Variants in ENTHD1 observed in about 807,000 individuals in gnomAD.
The protein encoded by ENTHD1 is ENTH domain-containing protein 1.
ENTHD1 carries 23 observed loss-of-function variants against 39.1 expected under a neutral mutation model. The observed-to-expected ratio is 0.59, with a 90% CI of 0.42 to 0.83. ENTHD1 has a LOEUF of 0.83. ENTHD1 is among the 40% of genes least tolerant of loss of function. The pLI is 0.00. For synonymous variants in ENTHD1, 230 were observed against 258.2 expected (o/e 0.89, Z 1.05); for missense variants, 624 against 705.4 (o/e 0.88, Z 1.31).
At chr22:39,745,924 C>A (rs1032465083) in intron 6 of ENTHD1, among the ~76,000 whole-genome samples, 1 of 152,176 alleles carries the variant, frequency 6.6e-6, no homozygotes, top group South Asian at 2.1e-4. Context: ...TTGCATGTAA[C>A]CTGTTTTATC....
chr22:39,856,274 C>CAAAAAA (rs34598525), intron 3 of ENTHD1, among the ~76,000 whole-genome samples: 3 of 50,758 alleles, frequency 5.9e-5, no homozygotes, highest in Non-Finnish European at 8.2e-5. Context: ...AACTTCATCT[C>CAAAAAA]AAAAAAAAAA....
At chr22:39,824,524 A>G (rs886778530) in intron 4 of ENTHD1, among the ~76,000 whole-genome samples, 2 of 151,888 alleles carry the variant, frequency 1.3e-5, no homozygotes, top group African/African-American at 4.8e-5. Flanking sequence ...TCTAAATCTC[A>G]AAGATTTTTC....
At chr22:39,790,999 G>T (rs1269853976) in intron 5 of ENTHD1, among the ~76,000 whole-genome samples, 2 of 151,908 alleles carry the variant, frequency 1.3e-5, no homozygotes, top group Non-Finnish European at 2.9e-5. Flanking sequence ...GCGAGGGCAG[G>T]GCTCAATAAT....
intron 5 of ENTHD1, among the ~76,000 whole-genome samples, chr22:39,766,396 T>C (rs1002329891): frequency 2.0e-5 from 3 of 152,210 alleles, no homozygotes; most frequent in Non-Finnish European, 4.4e-5. Flanking sequence ...GGAATGTCTA[T>C]TGAATCTACG....
intron 2 of ENTHD1, among the ~76,000 whole-genome samples, chr22:39,877,603 C>T (rs1309463933): frequency 2.0e-5 from 3 of 152,106 alleles, no homozygotes. Flanking sequence ...GTCTTCAGGG[C>T]CTCCCTCACT....
intron 1 of ENTHD1, among the ~76,000 whole-genome samples, chr22:39,889,878 C>G (rs1484254242): frequency 6.6e-6 from 1 of 151,988 alleles, no homozygotes; most frequent in Non-Finnish European, 1.5e-5. Context: ...GGGCAGATCA[C>G]CTGAGCTCAG....
At chr22:39,793,412 T>C (rs2065521471) in intron 5 of ENTHD1, among the ~76,000 whole-genome samples, 1 of 151,798 alleles carries the variant, frequency 6.6e-6, no homozygotes, top group South Asian at 2.1e-4. Flanking sequence ...AGATTAATAA[T>C]TTGCAAATAT....
At chr22:39,797,768 C>A (rs187055395) in intron 5 of ENTHD1, among the ~76,000 whole-genome samples, 112 of 152,240 alleles carry the variant, frequency 7.4e-4, no homozygotes, top group Non-Finnish European at 1.4e-3. Flanking sequence ...TCAACTCAAT[C>A]TCTGCTTGTC....
chr22:39,806,145 C>T (rs1342339876), intron 5 of ENTHD1, among the ~76,000 whole-genome samples: 1 of 152,216 alleles, frequency 6.6e-6, no homozygotes, highest in African/African-American at 2.4e-5. Context: ...CAGATCCTGG[C>T]TTCAGATCAG....
chr22:39,843,541 C>T (rs1374998528), intron 3 of ENTHD1, among the ~76,000 whole-genome samples: 1 of 151,256 alleles, frequency 6.6e-6, no homozygotes, highest in Admixed American at 6.6e-5. Context: ...AGCGCACCAG[C>T]GTGGCACATG....
rs548641044 is a variant in ENTHD1 at position 39,793,597 on chromosome 22, G to A, written c.832+27396C>T. ...AAATGTCTTGAAGTGTTTCCCCTAT[G>A]TTTTCTTCAAGTAGTTTTATAATTT... On this transcript the variant is annotated intron_variant, in intron 5 of 6. Coordinates refer to ENST00000325157, the MANE Select transcript of ENTHD1 (RefSeq NM_152512.4). Among the ~76,000 whole-genome samples, 3 of 152,126 alleles carry A rather than the reference G, an allele frequency of 2.0e-5. No individual in the cohort carries two copies. In the East Asian group the frequency reaches 5.8e-4, roughly 29 times the overall value.
chr22:39,802,512 A>G (rs1284766171), intron 5 of ENTHD1, among the ~76,000 whole-genome samples: 1 of 152,220 alleles, frequency 6.6e-6, no homozygotes, highest in Non-Finnish European at 1.5e-5. Context: ...ATAACCTATT[A>G]TCACACAAGG....
intron 3 of ENTHD1, among the ~76,000 whole-genome samples, chr22:39,857,443 CAAAAAAAAAAAAA>C (rs71197196): frequency 8.1e-5 from 2 of 24,710 alleles, no homozygotes; most frequent in Non-Finnish European, 1.9e-4. Context: ...AACTCCGTCT[CAAAAAAAAAAAAA>C]AAAAAAAAAA....
chr22:39,884,010 C>T (rs2066361275), intron 2 of ENTHD1, among the ~76,000 whole-genome samples: 1 of 151,846 alleles, frequency 6.6e-6, no homozygotes, highest in Non-Finnish European at 1.5e-5. Context: ...GACTTGTACC[C>T]TGAAAACTAC....
intron 5 of ENTHD1, among the ~76,000 whole-genome samples, chr22:39,779,543 C>T (rs917754870): frequency 5.5e-5 from 8 of 146,726 alleles, no homozygotes; most frequent in African/African-American, 2.0e-4. Context: ...AGAAAAAAGA[C>T]AGTAACATGA....
At chr22:39,834,843 C>T (rs2065896028) in intron 4 of ENTHD1, among the ~76,000 whole-genome samples, 1 of 152,186 alleles carries the variant, frequency 6.6e-6, no homozygotes, top group Non-Finnish European at 1.5e-5. Context: ...CCCCCAGGAG[C>T]ATTACACTGA....
chr22:39,765,380 A>G lies in ENTHD1; in HGVS notation c.1062T>C (p.Ser354=), dbSNP rs760022841. 2 of 1,614,084 alleles carry G rather than the reference A, an allele frequency of 1.2e-6. No homozygotes were observed. The highest frequency in any genetic ancestry group is 2.2e-5 in the South Asian group (2 of 91,082). ...CTACAGAGGCCTGGTTATGGAAAGT[A>G]GAATCTGACTTTGATACCCTTAAGT... The part of the protein sequence containing the change: ...SPDLRVSKSD[S]TFHNQASVET... Residue 354 remains serine (S), a synonymous_variant, in exon 6 of 7, where the codon TCT becomes TCC. Coordinates refer to ENST00000325157, the MANE Select transcript of ENTHD1 (RefSeq NM_152512.4).
intron 2 of ENTHD1, among the ~76,000 whole-genome samples, chr22:39,879,462 C>CAAAA (rs34372930): frequency 1.8e-4 from 3 of 16,438 alleles, no homozygotes; most frequent in Non-Finnish European, 1.1e-4. Context: ...GACTCTGTCT[C>CAAAA]AAAAAAAAAA....
chr22:39,744,275 C>T lies in ENTHD1; in HGVS notation c.1228G>A (p.Ala410Thr). 6.3e-7 allele frequency: 1 copy of T among 1,592,268 alleles called. No individual in the cohort carries two copies. The highest frequency in any genetic ancestry group is 8.5e-7 in the Non-Finnish European group (1 of 1,171,558). The change falls in exon 7 of 7, where the codon GCT (alanine) becomes ACT (threonine). Residue 410 changes from alanine to threonine, a missense_variant. Ala to Thr is a moderately conservative substitution (Grantham distance 58, BLOSUM62 0). Coordinates refer to ENST00000325157, the MANE Select transcript of ENTHD1 (RefSeq NM_152512.4). ...ILKTTTRVST[A>T]SEGASSFSPL... ...GAAAAGGAAGATGCTCCCTCAGAAG[C>T]AGTTGAAACTAAAATGTGTAAATGA...
Sources: allele counts gnomAD v4.1 joint callset (sites outside exome capture counted in the v4.1 genomes callset), GRCh38; gene constraint gnomAD v4.1.1; transcripts MANE v1.5; gene names NCBI Gene and HGNC (gene_info 2026-07-23, HGNC 2026-07-21).